VPS13A: variants seen among roughly 807,000 people sequenced by gnomAD.
VPS13A encodes intermembrane lipid transfer protein VPS13A.
A neutral mutation model predicts 390.9 loss-of-function variants in VPS13A; 264 were observed. That is an observed-to-expected ratio of 0.68 (90% CI 0.61 to 0.75). VPS13A has a LOEUF of 0.75. Among genes scored for constraint, VPS13A ranks in the 30% least tolerant of loss-of-function variants. The probability of loss-of-function intolerance (pLI) is 0.00; values close to 1 mark genes in which losing one functional copy is unlikely to be tolerated. For synonymous variants in VPS13A, 1,231 were observed against 1,227.1 expected (o/e 1.00, Z -0.07); for missense variants, 3,409 against 3,733.9 (o/e 0.91, Z 2.27).
chr9:77,294,229 T>C (rs917273818), intron 32 of VPS13A, among the ~76,000 whole-genome samples: 2 of 152,312 alleles, frequency 1.3e-5, no homozygotes, highest in Non-Finnish European at 2.9e-5. Flanking sequence ...AAATCATATT[T>C]TCGATTGCAT....
intron 17 of VPS13A, among the ~76,000 whole-genome samples, chr9:77,234,365 T>A (rs1335703907): frequency 6.6e-6 from 1 of 152,174 alleles, no homozygotes; most frequent in Non-Finnish European, 1.5e-5. Flanking sequence ...TATGTTAGTA[T>A]AACCACCCAG....
chr9:77,386,690 G>A (rs940643042), intron 68 of VPS13A, among the ~76,000 whole-genome samples: 2 of 148,834 alleles, frequency 1.3e-5, no homozygotes, highest in Non-Finnish European at 3.0e-5. Flanking sequence ...GAGATGAGAT[G>A]TGCTCTTTAT....
At chr9:77,228,370 A>G in intron 17 of VPS13A, 106 bp downstream of exon 17, 1 of 1,130,732 alleles carries the variant, frequency 8.8e-7, no homozygotes, top group Non-Finnish European at 1.2e-6. Flanking sequence ...ATAGTTTCAT[A>G]TATCCTTTTG....
intron 33 of VPS13A, among the ~76,000 whole-genome samples, chr9:77,298,356 G>C (rs117987350): frequency 2.5e-4 from 38 of 152,244 alleles, no homozygotes; most frequent in Non-Finnish European, 5.3e-4. Context: ...TGTAGAGTGG[G>C]ACATATGAAG....
In VPS13A at chr9:77,221,146, T is replaced by C. The variant is rs756964063; in HGVS notation, c.990-39T>C. 7.5e-6 allele frequency: 12 copies of C among 1,592,364 alleles called. No individual in the cohort carries two copies. The African/African-American group carries it at 1.5e-4, about 20-fold the overall frequency. ...CAATGTCAGTAATGTTTCATACTGT[T>C]GATTTGAGGGTGTTAAATGTTTTTC... On this transcript the variant is annotated intron_variant, in intron 12 of 71. Transcript: ENST00000360280.
chr9:77,273,020 G>A (rs1230704756), intron 23 of VPS13A, among the ~76,000 whole-genome samples: 1 of 152,106 alleles, frequency 6.6e-6, no homozygotes, highest in East Asian at 1.9e-4. Flanking sequence ...TATAAGATCT[G>A]TTTCTACTCA....
chr9:77,390,028 T>G (rs1833842103), intron 68 of VPS13A: 15 of 974,750 alleles, frequency 1.5e-5, no homozygotes, highest in Non-Finnish European at 1.7e-5. Context: ...GCCGACGTGG[T>G]CTTTCCCTTT....
chr9:77,297,273 A>G (rs1321826794), intron 33 of VPS13A, among the ~76,000 whole-genome samples: 1 of 152,064 alleles, frequency 6.6e-6, no homozygotes, highest in Non-Finnish European at 1.5e-5. Context: ...ATATTGTGCT[A>G]TGAATTTTAA....
chr9:77,382,709 A>G (rs2131615467), intron 68 of VPS13A: 9 of 988,654 alleles, frequency 9.1e-6, no homozygotes, highest in Admixed American at 6.1e-5. Flanking sequence ...GAAAATGCTT[A>G]AATGGCCATG....
Position 77,177,534 on chromosome 9 carries a change from G to T in VPS13A, c.-171G>T. On this transcript the variant is annotated 5_prime_UTR_variant, in exon 1 of 72. Coordinates refer to ENST00000360280, the MANE Select transcript of VPS13A (RefSeq NM_033305.3). ...TTGCGCACGCGTCGTGAGAGCGACC[G>T]CCTCCGTCTCTCGCTGGGCTCGCTA... is the stretch of plus-strand genomic sequence containing the variant. 1 of 629,868 alleles carries T rather than the reference G, an allele frequency of 1.6e-6. No homozygotes were observed. Among genetic ancestry groups the T allele is most frequent in the South Asian group, 1.7e-5 (1 of 57,776 alleles). The allele number at this position is 629,868 out of a possible 1,614,324, so 39.0% of individuals were successfully genotyped here. A position where few individuals can be genotyped will look rare whatever the true frequency, so the allele number is the denominator to read the frequency against.
chr9:77,404,489 C>T (rs941025625), intron 69 of VPS13A, among the ~76,000 whole-genome samples: 2 of 152,144 alleles, frequency 1.3e-5, no homozygotes, highest in African/African-American at 4.8e-5. Context: ...ATTGCTTCAG[C>T]GATCATTTTT....
chr9:77,193,997 C>T (rs975872006), intron 1 of VPS13A, among the ~76,000 whole-genome samples: 1 of 152,130 alleles, frequency 6.6e-6, no homozygotes, highest in African/African-American at 2.4e-5. Context: ...AGGTTAAGCA[C>T]CCATTGCACT....
Position 77,339,609 on chromosome 9 carries a change from C to G in VPS13A, c.6472C>G (p.Leu2158Val). 1.2e-6 allele frequency: 2 copies of G among 1,609,098 alleles called. No homozygotes were observed. The highest frequency in any genetic ancestry group is 8.5e-7 in the Non-Finnish European group (1 of 1,177,470). The change falls in exon 48 of 72, where the codon CTT (leucine) becomes GTT (valine). Residue 2158 changes from leucine to valine, a missense_variant. Leu to Val is a conservative substitution (Grantham distance 32, BLOSUM62 1). Around this residue, in one of 5 missense-constraint regions of VPS13A, gnomAD observed 2,717 missense variants for 2,917.4 expected, o/e 0.93. Coordinates refer to ENST00000360280, the MANE Select transcript of VPS13A (RefSeq NM_033305.3). ...TAAAGCCAGGCTACATTTAAAATTA[C>G]TTGACTATCTCAATCACGATTGGAA... is the stretch of plus-strand genomic sequence containing the variant. ...LGKARLHLKL[L>V]DYLNHDWKSE...
At position 77,192,948 on chromosome 9, in the gene VPS13A, G is replaced by A. The variant is rs114595617; in HGVS notation, c.101-6997G>A. Among the ~76,000 whole-genome samples, 882 of 152,192 alleles carry A rather than the reference G, an allele frequency of 5.8e-3. 8 individuals carry two copies. The highest frequency in any genetic ancestry group is 0.02 in the Middle Eastern group (6 of 294). ...CCTCAAATATGTTTCCAAGTTGCTT[G>A]TTTTCTCTCCCTCTCTTTCAGGGAC... On this transcript the variant is annotated intron_variant, in intron 1 of 71. Transcript: ENST00000360280.
At chr9:77,319,716 A>G (rs991053163) in intron 42 of VPS13A, 43 bp downstream of exon 42, 21 of 1,022,896 alleles carry the variant, frequency 2.1e-5, no homozygotes, top group Admixed American at 8.1e-5. Flanking sequence ...ATATATATGT[A>G]TTTTAAAAGA....
chr9:77,279,941 TG>T (rs1826917661), intron 26 of VPS13A: 3 of 409,246 alleles, frequency 7.3e-6, no homozygotes, highest in African/African-American at 2.0e-5. Context: ...GAGACTTCAG[TG>T]TTGTGGCACA....
intron 58 of VPS13A, 26 bp downstream of exon 58, chr9:77,359,428 ATATT>A: frequency 6.4e-7 from 1 of 1,559,824 alleles, no homozygotes; most frequent in Non-Finnish European, 8.8e-7. Flanking sequence ...CATTTCTTGT[ATATT>A]TATTTAATGT....
At chr9:77,272,315 A>G (rs570129762) in intron 23 of VPS13A, among the ~76,000 whole-genome samples, 1 of 152,308 alleles carries the variant, frequency 6.6e-6, no homozygotes, top group Admixed American at 6.5e-5. Context: ...AAATGGTTTG[A>G]TAGTGCTCAA....
chr9:77,183,418 T>C (rs1824143771), intron 1 of VPS13A, among the ~76,000 whole-genome samples: 1 of 152,242 alleles, frequency 6.6e-6, no homozygotes, highest in Non-Finnish European at 1.5e-5. Context: ...TTTTGCTGAT[T>C]TGCTTTCTGT....
Sources: allele counts gnomAD v4.1 joint callset (sites outside exome capture counted in the v4.1 genomes callset), GRCh38; gene constraint gnomAD v4.1.1; regional missense constraint gnomAD v4.1.1; transcripts MANE v1.5; gene names NCBI Gene and HGNC (gene_info 2026-07-23, HGNC 2026-07-21).